Variants in PRKAG1 observed in about 807,000 individuals in gnomAD.
PRKAG1 encodes protein kinase AMP-activated non-catalytic subunit gamma 1, also known as 5'-AMP-activated protein kinase subunit gamma-1.
PRKAG1 carries 27 observed loss-of-function variants against 48.2 expected under a neutral mutation model. That is an observed-to-expected ratio of 0.56 (90% CI 0.41 to 0.77). PRKAG1 has a LOEUF of 0.77. PRKAG1 is among the 30% of genes least tolerant of loss of function. The pLI, the probability that PRKAG1 is intolerant of heterozygous loss-of-function variation, is 0.00. For missense variants in PRKAG1, 287 were observed against 398.3 expected, an observed-to-expected ratio of 0.72 and a Z score of 2.38; for synonymous variants, 130 against 147.7, an observed-to-expected ratio of 0.88 and a Z score of 0.87.
At chr12:49,004,192 T>C in intron 8 of PRKAG1, 1 of 518,568 alleles carries the variant, frequency 1.9e-6, no homozygotes. Context: ...TTCTGGGGGT[T>C]GAGGTCGGGG....
At chr12:49,004,743 G>C (rs954723259) in intron 7 of PRKAG1, 110 bp from the exon 8 acceptor site, 1 of 1,517,150 alleles carries the variant, frequency 6.6e-7, no homozygotes, top group East Asian at 2.3e-5. Flanking sequence ...AGGGAAGGGG[G>C]GCAGTGTACA....
At chr12:49,018,693 G>C (rs1331515953) in intron 1 of PRKAG1, 39 bp downstream of exon 1, 1 of 1,613,426 alleles carries the variant, frequency 6.2e-7, no homozygotes, top group Non-Finnish European at 8.5e-7. Context: ...GGTGTCTTAG[G>C]CTCCACAGCG....
intron 1 of PRKAG1, chr12:49,017,682 TTTTG>T (rs2137690558): frequency 6.5e-6 from 1 of 153,592 alleles, no homozygotes; most frequent in South Asian, 1.9e-4. Flanking sequence ...GACTCCTTAT[TTTTG>T]TTTAAGATTA....
intron 1 of PRKAG1, among the ~76,000 whole-genome samples, chr12:49,014,175 C>T (rs57355714): frequency 0.011 from 1,606 of 152,316 alleles, 29 homozygotes; most frequent in African/African-American, 0.037. Flanking sequence ...TGAGCCACCA[C>T]GCCCGGCCAT....
In PRKAG1 at chr12:49,004,058, G is replaced by C. The variant is rs536154869; in HGVS notation, c.538-136C>G. The C allele has an allele frequency of 1.2e-5, 14 of 1,217,048 alleles. 1 individual carries two copies. Among genetic ancestry groups the C allele is most frequent in the African/African-American group, 6.1e-5 (4 of 65,332 alleles). 75.4% of individuals were successfully genotyped at this position (1,217,048 alleles called of 1,614,324 possible). ...TAATCCCAGCACTTTGGGAGGCTGA[G>C]GGGGACATATTGCTTGAGCCCAGGA... On this transcript the variant is annotated intron_variant, in intron 8 of 11. Coordinates refer to ENST00000548065, the MANE Select transcript of PRKAG1 (RefSeq NM_002733.5).
Position 49,003,584 on chromosome 12 carries a change from C to T in PRKAG1, c.715G>A (p.Asp239Asn). 6.3e-7 allele frequency: 1 copy of T among 1,595,252 alleles called. No homozygotes were observed. Among genetic ancestry groups the T allele is most frequent in the Non-Finnish European group, 8.6e-7 (1 of 1,167,128 alleles). ...ATAACATCAAACTTGGAGTAGATGTCCACCACACGCCCTAGGGGGACAGAG... is the reference window on the plus strand; with the variant it reads ...ATAACATCAAACTTGGAGTAGATGTTCACCACACGCCCTAGGGGGACAGAG... ...PVVDEKGRVV[D>N]IYSKFDVINL... is the part of the protein sequence containing the mutation. Residue 239 changes from aspartate (D) to asparagine (N), a missense_variant, in exon 10 of 12, where the codon GAC becomes AAC. Asp to Asn is a conservative substitution (Grantham distance 23, BLOSUM62 1). Around this residue, in one of 2 missense-constraint regions of PRKAG1, gnomAD observed 224 missense variants for 344.3 expected, o/e 0.65. Transcript: ENST00000548065.
At chr12:49,004,813 C>CTGTGTGTGTGTGTGTGTGTGTG (rs3832821) in intron 7 of PRKAG1, 151 bp downstream of exon 7, 1 of 666,472 alleles carries the variant, frequency 1.5e-6, no homozygotes, top group African/African-American at 2.1e-5. Flanking sequence ...GAGAGAGAGA[C>CTGTGTGTGTGTGTGTGTGTGTG]TGTGTGTGTG....
intron 2 of PRKAG1, among the ~76,000 whole-genome samples, chr12:49,007,645 T>C (rs957766975): frequency 4.6e-5 from 7 of 152,190 alleles, no homozygotes; most frequent in African/African-American, 1.7e-4. Context: ...GTTGATTATT[T>C]TGGTACTTAA....
At chr12:49,015,482 C>A (rs1349328171) in intron 1 of PRKAG1, among the ~76,000 whole-genome samples, 1 of 152,126 alleles carries the variant, frequency 6.6e-6, no homozygotes, top group African/African-American at 2.4e-5. Context: ...CAGATATGCC[C>A]AAGACTAAGT....
At chr12:49,003,507 T>TGGG in intron 10 of PRKAG1, 51 bp downstream of exon 10, 1 of 1,548,138 alleles carries the variant, frequency 6.5e-7, no homozygotes, top group Non-Finnish European at 8.8e-7. Context: ...TATTTAACAG[T>TGGG]GCCCCCCCCC....
chr12:49,005,590 G>A lies in PRKAG1; in HGVS notation c.169-47C>T, dbSNP rs1421485134. 1 of 1,613,880 alleles carries A rather than the reference G, an allele frequency of 6.2e-7. No homozygotes were observed. On this transcript the variant is annotated intron_variant, in intron 3 of 11. Coordinates refer to ENST00000548065, the MANE Select transcript of PRKAG1 (RefSeq NM_002733.5). The surrounding 1 kb of genome is among the most constrained non-coding windows in gnomAD (Gnocchi z 4.1). ...TCATAAAGGCAAATCCACAGGGGCA[G>A]GACTGTAAAAAAAGAACAGTGTTTG...
chr12:49,004,357 A>C (rs1286390321), intron 8 of PRKAG1, 150 bp downstream of exon 8: 4 of 970,274 alleles, frequency 4.1e-6, no homozygotes, highest in Non-Finnish European at 4.7e-6. Context: ...TAATCCTAGC[A>C]CTTTGGGAGG....
Position 49,003,013 on chromosome 12 carries a change from C to T in PRKAG1, c.889-7G>A. 2 of 1,613,896 alleles carry T rather than the reference C, an allele frequency of 1.2e-6. No individual in the cohort carries two copies. Among genetic ancestry groups the T allele is most frequent in the Non-Finnish European group, 1.7e-6 (2 of 1,179,850 alleles). On this transcript the variant is annotated splice_region_variant and splice_polypyrimidine_tract_variant and intron_variant, in intron 11 of 11. Coordinates refer to ENST00000548065, the MANE Select transcript of PRKAG1 (RefSeq NM_002733.5). ...CCACTACAAGTCGGTGAACCTGGCA[C>T]AGAGCAACAAGGGAGAAAGGGAATG...
chr12:49,004,057 A>AG, intron 8 of PRKAG1, 135 bp from the exon 9 acceptor site: 1 of 1,210,602 alleles, frequency 8.3e-7, no homozygotes. Flanking sequence ...TGGGAGGCTG[A>AG]GGGGGACATA....
rs201836026 is a variant in PRKAG1, at chr12:49,002,423, C to T, written c.*476G>A. On this transcript the variant is annotated 3_prime_UTR_variant, in exon 12 of 12. Transcript: ENST00000548065. ...AAGCCCCTCCTCCCCACAATCCTCC[C>T]CACTCACATTATGGGAAGAAATGTC... The T allele has an allele frequency of 4.3e-6, 1 of 231,374 alleles. No individual in the cohort carries two copies. The highest frequency in any genetic ancestry group is 8.7e-6 in the Non-Finnish European group (1 of 114,856). The allele number at this position is 231,374 out of a possible 1,614,324, so 14.3% of individuals were successfully genotyped here.
chr12:49,003,117 C>G, intron 11 of PRKAG1, 27 bp downstream of exon 11: 2 of 1,613,968 alleles, frequency 1.2e-6, no homozygotes, highest in Non-Finnish European at 1.7e-6. Context: ...CTCCCCTCAG[C>G]TCCTTTAGGG....
rs1941473621 is a variant in PRKAG1 at position 49,004,977 on chromosome 12, A to T, written c.397T>A (p.Ser133Thr). The T allele has an allele frequency of 2.5e-6, 4 of 1,613,964 alleles. No individual in the cohort carries two copies. In the East Asian group the frequency reaches 8.9e-5, roughly 36 times the overall value. ...QDSFKPLVCISPNASLFDAVS... is the reference protein window; with the variant it reads ...QDSFKPLVCITPNASLFDAVS... ...ACTGGAACTCACCTGGCATTAGGAG[A>T]AATGCAGACAAGCGGTTTAAAGGAG... The change falls in exon 7 of 12, where the codon TCT becomes ACT. Residue 133 changes from serine (S) to threonine (T), a missense_variant. Around this residue, in one of 2 missense-constraint regions of PRKAG1, gnomAD observed 224 missense variants for 344.3 expected, o/e 0.65. Coordinates refer to ENST00000548065, the MANE Select transcript of PRKAG1 (RefSeq NM_002733.5).
chr12:49,008,498 G>A (rs1182396100), intron 2 of PRKAG1: 1 of 152,170 alleles, frequency 6.6e-6, no homozygotes, highest in East Asian at 1.9e-4. Flanking sequence ...CACCATCCTG[G>A]GTACCCCTTT....
At chr12:49,004,858 T>TGTGTGA in intron 7 of PRKAG1, 106 bp downstream of exon 7, 1 of 1,160,894 alleles carries the variant, frequency 8.6e-7, no homozygotes, top group Admixed American at 1.7e-5. Flanking sequence ...TGTGTGTGTG[T>TGTGTGA]GTGTCTTTTC....
Sources: allele counts gnomAD v4.1 joint callset (sites outside exome capture counted in the v4.1 genomes callset), GRCh38; gene constraint gnomAD v4.1.1; regional missense constraint gnomAD v4.1.1; non-coding constraint Gnocchi (gnomAD v3.1); transcripts MANE v1.5; gene names NCBI Gene and HGNC (gene_info 2026-07-23, HGNC 2026-07-21).